Variants in RHOJ observed in about 807,000 individuals in gnomAD.
The protein encoded by RHOJ is rho-related GTP-binding protein RhoJ.
RHOJ carries 11 observed loss-of-function variants against 23.4 expected under a neutral mutation model. The observed-to-expected ratio is 0.47, with a 90% CI of 0.30 to 0.78. The LOEUF (loss-of-function observed/expected upper bound fraction) is 0.78. RHOJ is among the 30% of genes least tolerant of loss of function. The probability of loss-of-function intolerance (pLI) is 0.08; values close to 1 mark genes in which losing one functional copy is unlikely to be tolerated. For missense variants in RHOJ, 254 were observed against 273.4 expected (o/e 0.93, Z 0.50); for synonymous variants, 102 against 102.7 (o/e 0.99, Z 0.04).
intron 2 of RHOJ, among the ~76,000 whole-genome samples, chr14:63,279,383 G>A (rs1017739286): frequency 3.3e-5 from 5 of 152,212 alleles, no homozygotes; most frequent in South Asian, 4.1e-4. Context: ...GTTGCGATAT[G>A]TGATGTATAT....
intron 3 of RHOJ, among the ~76,000 whole-genome samples, chr14:63,281,662 A>T (rs1370999324): frequency 6.6e-6 from 1 of 152,196 alleles, no homozygotes; most frequent in Non-Finnish European, 1.5e-5. Flanking sequence ...TTAGAGAAGA[A>T]GTTAAAACAC....
intron 1 of RHOJ, among the ~76,000 whole-genome samples, chr14:63,219,771 G>A (rs937404966): frequency 1.3e-5 from 2 of 149,406 alleles, no homozygotes; most frequent in Non-Finnish European, 1.5e-5. Context: ...AGCCAAGATC[G>A]CACCACTGCA....
intron 1 of RHOJ, among the ~76,000 whole-genome samples, chr14:63,209,853 A>T (rs562514219): frequency 6.6e-6 from 1 of 151,998 alleles, no homozygotes; most frequent in Admixed American, 6.6e-5. Context: ...AAAAATGTTT[A>T]TTATATTTAT....
intron 4 of RHOJ, among the ~76,000 whole-genome samples, chr14:63,287,532 T>G (rs1882118273): frequency 2.0e-5 from 3 of 152,148 alleles, no homozygotes; most frequent in Admixed American, 2.0e-4. Context: ...TTCTATAACT[T>G]GTCCTGCCCC....
intron 1 of RHOJ, among the ~76,000 whole-genome samples, chr14:63,257,686 G>A (rs1331680658): frequency 6.9e-6 from 1 of 145,870 alleles, no homozygotes; most frequent in Admixed American, 6.8e-5. Context: ...CTTCTCCCCT[G>A]CAAATATGAC....
chr14:63,234,204 C>T (rs1331507785), intron 1 of RHOJ, among the ~76,000 whole-genome samples: 2 of 152,230 alleles, frequency 1.3e-5, no homozygotes, highest in African/African-American at 4.8e-5. Context: ...CCTTAATTCA[C>T]CCATGTATTC....
chr14:63,227,229 G>A (rs932491506), intron 1 of RHOJ, among the ~76,000 whole-genome samples: 1 of 152,164 alleles, frequency 6.6e-6, no homozygotes, highest in African/African-American at 2.4e-5. Flanking sequence ...TGGGATTACA[G>A]GTGTGAGCCA....
At chr14:63,257,696 CT>C (rs1895195940) in intron 1 of RHOJ, among the ~76,000 whole-genome samples, 1 of 148,946 alleles carries the variant, frequency 6.7e-6, no homozygotes, top group South Asian at 2.1e-4. Flanking sequence ...GCAAATATGA[CT>C]TTTTTCCCCT....
At chr14:63,247,736 T>TA (rs1895001061) in intron 1 of RHOJ, among the ~76,000 whole-genome samples, 1 of 152,216 alleles carries the variant, frequency 6.6e-6, no homozygotes, top group Non-Finnish European at 1.5e-5. Flanking sequence ...ATTCCTCATA[T>TA]AATGTATAGC....
At chr14:63,226,191 G>A (rs951281997) in intron 1 of RHOJ, among the ~76,000 whole-genome samples, 2 of 152,016 alleles carry the variant, frequency 1.3e-5, no homozygotes, top group East Asian at 1.9e-4. Context: ...TTGCTCTCAG[G>A]AAAAATAATG....
At chr14:63,282,179 C>T (rs17824666) in intron 3 of RHOJ, among the ~76,000 whole-genome samples, 5,646 of 151,982 alleles carry the variant, frequency 0.037, 250 homozygotes, top group African/African-American at 0.11. Context: ...AGCCTGAATC[C>T]CTGCTGCCAA....
In RHOJ at chr14:63,204,488, T is replaced by G; in HGVS notation, c.-382T>G. ...TCCATGTTAGATGTGACTTGGAAAA[T>G]GAGAAAGATTTAGCAAAATTCCACC... On this transcript the variant is annotated 5_prime_UTR_variant, in exon 1 of 5. An upstream start codon of the reference 5' UTR is lost. Transcript: ENST00000316754. The G allele has an allele frequency of 5.1e-6, 1 of 196,246 alleles. No individual in the cohort carries two copies. The highest frequency in any genetic ancestry group is 1.0e-5 in the Non-Finnish European group (1 of 95,820). The allele number at this position is 196,246 out of a possible 1,614,324, so 12.2% of individuals were successfully genotyped here.
intron 1 of RHOJ, among the ~76,000 whole-genome samples, chr14:63,264,029 A>G (rs1482733913): frequency 6.6e-6 from 1 of 151,106 alleles, no homozygotes; most frequent in Non-Finnish European, 1.5e-5. Context: ...CAGGGAGTAC[A>G]TCTGTAGGTT....
At chr14:63,257,372 C>T (rs936455291) in intron 1 of RHOJ, among the ~76,000 whole-genome samples, 2 of 149,804 alleles carry the variant, frequency 1.3e-5, no homozygotes, top group Admixed American at 1.3e-4. Context: ...CCAGCTTAGA[C>T]AAGAAGTTTA....
chr14:63,213,664 T>TCCAAAAAA (rs1894289016), intron 1 of RHOJ, among the ~76,000 whole-genome samples: 1 of 152,188 alleles, frequency 6.6e-6, no homozygotes, highest in South Asian at 2.1e-4. Context: ...GTAATAGGAT[T>TCCAAAAAA]GCTGGGTAGA....
At chr14:63,245,738 C>G (rs1039016196) in intron 1 of RHOJ, among the ~76,000 whole-genome samples, 8 of 152,126 alleles carry the variant, frequency 5.3e-5, no homozygotes, top group African/African-American at 1.9e-4. Context: ...ACTATGATCT[C>G]TTTGTTGGTA....
At chr14:63,209,792 T>C (rs1435517055) in intron 1 of RHOJ, among the ~76,000 whole-genome samples, 1 of 152,152 alleles carries the variant, frequency 6.6e-6, no homozygotes, top group Non-Finnish European at 1.5e-5. Flanking sequence ...CTTTGATGAA[T>C]AAATGAACAA....
intron 3 of RHOJ, among the ~76,000 whole-genome samples, chr14:63,282,285 TGCACACAC>T (rs1881932643): frequency 8.6e-6 from 1 of 116,176 alleles, no homozygotes; most frequent in African/African-American, 4.4e-5. Context: ...CACAAACACA[TGCACACAC>T]ACACACACAC....
At chr14:63,220,341 T>A (rs1177658407) in intron 1 of RHOJ, among the ~76,000 whole-genome samples, 2 of 151,306 alleles carry the variant, frequency 1.3e-5, no homozygotes, top group African/African-American at 2.4e-5. Context: ...CATTATAATA[T>A]CAAGTCTCTT....
Sources: allele counts gnomAD v4.1 joint callset (sites outside exome capture counted in the v4.1 genomes callset), GRCh38; gene constraint gnomAD v4.1.1; transcripts MANE v1.5; gene names NCBI Gene and HGNC (gene_info 2026-07-23, HGNC 2026-07-21).